The following NRIP3 variants were observed in gnomAD, a reference collection of about 807,000 sequenced individuals.
The protein encoded by NRIP3 is nuclear receptor-interacting protein 3.
In NRIP3, 31 loss-of-function variants were observed where a neutral mutation model predicts 29.0. The ratio of observed to expected loss-of-function variants is 1.07; its 90% confidence interval spans 0.80 to 1.44. NRIP3 has a LOEUF of 1.44. Ranked by LOEUF, NRIP3 falls within the 40% of genes most tolerant of loss-of-function variation. NRIP3 has a pLI of 0.00. For missense variants in NRIP3, 314 were observed against 297.9 expected (o/e 1.05, Z -0.40); for synonymous variants, 131 against 118.3 (o/e 1.11, Z -0.70).
chr11:8,992,202 G>A (rs535343633), intron 1 of NRIP3, among the ~76,000 whole-genome samples: 1 of 152,344 alleles, frequency 6.6e-6, no homozygotes, highest in Admixed American at 6.5e-5. Context: ...TGCAATTAGG[G>A]TTGGAAATAG....
intron 1 of NRIP3, among the ~76,000 whole-genome samples, chr11:8,990,431 C>A (rs564088946): frequency 2.9e-4 from 44 of 152,166 alleles, no homozygotes; most frequent in Middle Eastern, 3.4e-3. Context: ...TCTTTAGTAA[C>A]CAAAAAAGGT....
At chr11:8,996,652 A>G (rs7396427) in intron 1 of NRIP3, among the ~76,000 whole-genome samples, 141,739 of 152,268 alleles carry the variant, frequency 0.93, 66,771 homozygotes, top group East Asian at 1. Flanking sequence ...ATATTAAAGA[A>G]TTTCTACTAT....
At chr11:9,002,401 A>G (rs1287097113) in intron 1 of NRIP3, among the ~76,000 whole-genome samples, 1 of 152,166 alleles carries the variant, frequency 6.6e-6, no homozygotes, top group East Asian at 1.9e-4. Context: ...CATAAATCAG[A>G]TAAACTATCC....
In NRIP3 at chr11:8,983,869, A is replaced by G. The variant is rs754497631; in HGVS notation, c.710+6T>C. 1 of 1,612,252 alleles carries G rather than the reference A, an allele frequency of 6.2e-7. No individual in the cohort carries two copies. ...GTGACTTGATCTGACCCATTTGGGC[A>G]CTCACTTGTCTTCATTCAAAGAGAC... On this transcript the variant is annotated splice_donor_region_variant and intron_variant, in intron 6 of 6. Coordinates refer to ENST00000309166, the MANE Select transcript of NRIP3 (RefSeq NM_020645.3).
chr11:8,981,078 TCTTAC>T lies in NRIP3; in HGVS notation c.*2462_*2466del, dbSNP rs1854406915. ...CTCCTGGGAAAAACTGACCTCACCT[TCTTAC>T]CTTCTCAGCCCCCAAAAATTAGACC... On this transcript the variant is annotated 3_prime_UTR_variant, in exon 7 of 7. Transcript: ENST00000309166. 6.6e-6 allele frequency: 1 copy of T among 152,200 alleles called. No individual in the cohort carries two copies. The highest frequency in any genetic ancestry group is 2.4e-5 in the African/African-American group (1 of 41,450). The allele number at this position is 152,200 out of a possible 1,614,324, so 9.4% of individuals were successfully genotyped here.
chr11:9,003,710 CG>C, intron 1 of NRIP3, 51 bp downstream of exon 1: 2 of 1,356,128 alleles, frequency 1.5e-6, no homozygotes, highest in Non-Finnish European at 1.9e-6. Context: ...CCTCGGAAAA[CG>C]GCGGGCGCGA....
chr11:9,003,918 G>A lies in NRIP3; in HGVS notation c.18C>T (p.Leu6=), dbSNP rs1854863370. ...TCTCCTTGCGGCCGCCCTCAGTGAGGAGCCCTGAGTAAAACATCGCTGAGG... is the reference window on the plus strand; with the variant it reads ...TCTCCTTGCGGCCGCCCTCAGTGAGAAGCCCTGAGTAAAACATCGCTGAGG... MFYSG[L]LTEGGRKETD... Residue 6 remains leucine, a synonymous_variant, in exon 1 of 7, where the codon CTC becomes CTT. Transcript: ENST00000309166. 6.6e-7 allele frequency: 1 copy of A among 1,515,256 alleles called. No homozygotes were observed. Among genetic ancestry groups the A allele is most frequent in the Non-Finnish European group, 8.8e-7 (1 of 1,132,730 alleles). 93.9% of individuals were successfully genotyped at this position (1,515,256 alleles called of 1,614,324 possible).
In NRIP3 at chr11:8,980,744, C is replaced by T. The variant is rs183540973; in HGVS notation, c.*2801G>A. 6.6e-6 allele frequency: 1 copy of T among 152,302 alleles called. No homozygotes were observed. The highest frequency in any genetic ancestry group is 1.9e-4 in the East Asian group (1 of 5,186). 9.4% of individuals were successfully genotyped at this position (152,302 alleles called of 1,614,324 possible). On this transcript the variant is annotated 3_prime_UTR_variant, in exon 7 of 7. Transcript: ENST00000309166. ...CCAGCCTGGCAATATATTTCTATTA[C>T]ACAAGAGTGAGGGCAGCTGACATAC...
intron 1 of NRIP3, among the ~76,000 whole-genome samples, chr11:8,994,710 G>A (rs141730105): frequency 5.5e-4 from 84 of 152,174 alleles, no homozygotes; most frequent in South Asian, 4.4e-3. Flanking sequence ...ATCCTGAAAC[G>A]CTCCTCCACT....
intron 1 of NRIP3, among the ~76,000 whole-genome samples, chr11:8,989,267 G>T (rs1390924077): frequency 2.0e-5 from 3 of 152,196 alleles, no homozygotes; most frequent in Non-Finnish European, 4.4e-5. Context: ...TTTGACTGGA[G>T]AAATTTGTAT....
chr11:8,993,050 C>T (rs1854636310), intron 1 of NRIP3, among the ~76,000 whole-genome samples: 1 of 152,062 alleles, frequency 6.6e-6, no homozygotes, highest in South Asian at 2.1e-4. Flanking sequence ...GGGAAACAAA[C>T]AACAAGGAGA....
At position 8,990,746 on chromosome 11, in the gene NRIP3, C is replaced by T. The variant is rs373054137; in HGVS notation, c.175-2464G>A. Among the ~76,000 whole-genome samples the T allele has an allele frequency of 5.9e-5, 9 of 152,034 alleles. No homozygotes were observed. The East Asian group carries it at 7.7e-4, about 13-fold the overall frequency. On this transcript the variant is annotated intron_variant, in intron 1 of 6. Transcript: ENST00000309166. ...GGCCGAGGTTGCAGTGAGCCTAGAT[C>T]GCACCACTGCACTCCAGCCTGGGCA... is the stretch of plus-strand genomic sequence containing the variant.
chr11:9,001,958 G>A (rs576207462), intron 1 of NRIP3, among the ~76,000 whole-genome samples: 5 of 152,352 alleles, frequency 3.3e-5, no homozygotes, highest in Middle Eastern at 3.4e-3. Flanking sequence ...GCAATATCCT[G>A]CTTCTTGAGG....
rs370935756 is a variant in NRIP3 at position 8,988,223 on chromosome 11, G to A, written c.234C>T (p.Ser78=). The change falls in exon 2 of 7, where the codon AGC becomes AGT. Residue 78 remains serine (S), a synonymous_variant. Coordinates refer to ENST00000309166, the MANE Select transcript of NRIP3 (RefSeq NM_020645.3). The stretch of plus-strand genomic sequence containing the variant: ...TAGAGGCCCAAGGGACACGGGGACC[G>A]CTTCGGAGCTTAGACAGGTTGGTTT... ...LMETNLSKLR[S]GPRVPWASKT... is the part of the protein sequence containing the mutation. 34 of 1,613,886 alleles carry A rather than the reference G, an allele frequency of 2.1e-5. No homozygotes were observed. Among genetic ancestry groups the A allele is most frequent in the African/African-American group, 5.3e-5 (4 of 74,896 alleles).
chr11:9,003,580 G>A (rs545272670), intron 1 of NRIP3, among the ~76,000 whole-genome samples, 182 bp downstream of exon 1: 2 of 152,204 alleles, frequency 1.3e-5, no homozygotes, highest in South Asian at 4.1e-4. Context: ...AAGCTACGAC[G>A]GAATCCCCAC....
intron 1 of NRIP3, among the ~76,000 whole-genome samples, chr11:8,989,762 A>G (rs888682927): frequency 1.3e-5 from 2 of 152,148 alleles, no homozygotes; most frequent in Non-Finnish European, 2.9e-5. Context: ...AGAAATGAAA[A>G]TGTTTCATTC....
intron 1 of NRIP3, among the ~76,000 whole-genome samples, chr11:9,003,069 C>G (rs1183956052): frequency 1.3e-5 from 2 of 152,152 alleles, no homozygotes; most frequent in Non-Finnish European, 2.9e-5. Context: ...AAGACTGCAC[C>G]CACCCCAGCT....
chr11:8,993,194 G>A (rs2134920263), intron 1 of NRIP3, among the ~76,000 whole-genome samples: 1 of 152,308 alleles, frequency 6.6e-6, no homozygotes, highest in Middle Eastern at 3.4e-3. Context: ...GAAATGAAAA[G>A]ATAGGGGGCT....
chr11:8,993,887 T>C (rs1014083324), intron 1 of NRIP3, among the ~76,000 whole-genome samples: 22 of 151,942 alleles, frequency 1.4e-4, no homozygotes, highest in African/African-American at 5.3e-4. Context: ...GTATCACCAT[T>C]TACTTGGAGA....
Sources: gnomAD v4.1 joint callset for allele counts (sites outside exome capture counted in the v4.1 genomes callset) on GRCh38, gnomAD v4.1.1 for gene constraint, MANE v1.5 for transcripts, NCBI Gene and HGNC (gene_info 2026-07-23, HGNC 2026-07-21) for gene names.